OSBPL9: variants seen among roughly 807,000 people sequenced by gnomAD.
The protein encoded by OSBPL9 is oxysterol binding protein like 9, also known as oxysterol-binding protein-related protein 9.
Under a neutral mutation model 106.6 loss-of-function variants are expected in OSBPL9, and 40 were observed. The observed-to-expected ratio is 0.38, with a 90% CI of 0.29 to 0.49. The LOEUF (loss-of-function observed/expected upper bound fraction) is 0.49, where lower values mean the gene tolerates loss of function less well. Among genes scored for constraint, OSBPL9 ranks in the 20% least tolerant of loss-of-function variants. The probability of loss-of-function intolerance (pLI) is 0.97; values close to 1 mark genes in which losing one functional copy is unlikely to be tolerated. For synonymous variants in OSBPL9, 269 were observed against 295.4 expected, an observed-to-expected ratio of 0.91 and a Z score of 0.92; for missense variants, 609 against 887.2, an observed-to-expected ratio of 0.69 and a Z score of 3.98.
At chr1:51,712,825 A>G (rs1380355853) in intron 3 of OSBPL9, among the ~76,000 whole-genome samples, 2 of 152,154 alleles carry the variant, frequency 1.3e-5, no homozygotes, top group Non-Finnish European at 2.9e-5. Context: ...AAAATTGTTT[A>G]TGTAAATTTA....
At chr1:51,772,307 T>C in intron 13 of OSBPL9, 125 bp downstream of exon 13, 3 of 752,998 alleles carry the variant, frequency 4.0e-6, no homozygotes, top group Non-Finnish European at 2.2e-6. Context: ...AGGTCCGGAG[T>C]TCAAGACCAG....
At chr1:51,657,682 T>C (rs1646898339) in intron 2 of OSBPL9, among the ~76,000 whole-genome samples, 1 of 152,202 alleles carries the variant, frequency 6.6e-6, no homozygotes, top group South Asian at 2.1e-4. Context: ...CGGTGCCCTT[T>C]CCTTGATGAA....
the OSBPL9 span, among the ~76,000 whole-genome samples, chr1:51,519,517 A>G: frequency 6.6e-6 from 1 of 151,934 alleles, no homozygotes; most frequent in African/African-American, 2.4e-5. Flanking sequence ...CGCGGACATA[A>G]AATTAAAGCG....
At chr1:51,721,585 G>A (rs1046506311) in intron 4 of OSBPL9, among the ~76,000 whole-genome samples, 3 of 152,140 alleles carry the variant, frequency 2.0e-5, no homozygotes, top group African/African-American at 7.2e-5. Context: ...AATGGATTAT[G>A]TGTCTGAGTA....
intron 2 of OSBPL9, among the ~76,000 whole-genome samples, chr1:51,653,089 G>A (rs887414365): frequency 4.6e-5 from 7 of 152,148 alleles, no homozygotes; most frequent in African/African-American, 1.7e-4. Context: ...ACTGAGATAG[G>A]AGTAGGTATG....
the OSBPL9 span, among the ~76,000 whole-genome samples, chr1:51,543,035 A>G: frequency 6.6e-6 from 1 of 152,234 alleles, no homozygotes; most frequent in African/African-American, 2.4e-5. Flanking sequence ...CAGAATTATC[A>G]ACTCCAGGTG....
At chr1:51,589,327 G>A (rs1178825073) in intron 1 of OSBPL9, among the ~76,000 whole-genome samples, 3 of 152,134 alleles carry the variant, frequency 2.0e-5, no homozygotes, top group East Asian at 1.9e-4. Context: ...GAGATCAGGC[G>A]ATCTGCCTGC....
At chr1:51,632,007 A>G (rs1645135576) in intron 1 of OSBPL9, among the ~76,000 whole-genome samples, 1 of 152,174 alleles carries the variant, frequency 6.6e-6, no homozygotes, top group Non-Finnish European at 1.5e-5. Flanking sequence ...AATAACTCAC[A>G]TGGAGCTGTC....
At chr1:51,544,837 C>CTTT in the OSBPL9 span, among the ~76,000 whole-genome samples, 590 of 80,298 alleles carry the variant, frequency 7.3e-3, 10 homozygotes, top group African/African-American at 0.013. Flanking sequence ...AAGAGACATG[C>CTTT]TTTTTTTTTT....
chr1:51,766,058 T>G (rs1672490009), intron 12 of OSBPL9, 77 bp downstream of exon 12: 1 of 1,357,210 alleles, frequency 7.4e-7, no homozygotes, highest in African/African-American at 1.5e-5. Flanking sequence ...GAGACTAGTG[T>G]TAATGACAGA....
At chr1:51,518,468 T>G in the OSBPL9 span, 1 of 152,478 alleles carries the variant, frequency 6.6e-6, no homozygotes, top group African/African-American at 2.4e-5. Flanking sequence ...GAGGGGAAGT[T>G]GAAGTGGAAG....
chr1:51,703,356 A>T (rs1657728768), intron 3 of OSBPL9, among the ~76,000 whole-genome samples: 1 of 152,124 alleles, frequency 6.6e-6, no homozygotes, highest in Non-Finnish European at 1.5e-5. Flanking sequence ...GAGGTCCTTC[A>T]TGTCCCTTGT....
intron 2 of OSBPL9, among the ~76,000 whole-genome samples, chr1:51,606,542 G>A (rs1481397036): frequency 6.6e-6 from 1 of 152,204 alleles, no homozygotes; most frequent in African/African-American, 2.4e-5. Flanking sequence ...GGCACAGAAG[G>A]CTGTTGCAAT....
the OSBPL9 span, among the ~76,000 whole-genome samples, chr1:51,545,870 T>C: frequency 6.6e-6 from 1 of 152,174 alleles, no homozygotes; most frequent in South Asian, 2.1e-4. Flanking sequence ...AATAGTATAA[T>C]TACCATATGT....
chr1:51,674,290 A>G (rs1301233556), intron 3 of OSBPL9, among the ~76,000 whole-genome samples: 1 of 151,856 alleles, frequency 6.6e-6, no homozygotes, highest in African/African-American at 2.4e-5. Context: ...GTTAAAATTT[A>G]TATGTGTGTA....
chr1:51,752,352 A>G (rs1669433955), intron 8 of OSBPL9, among the ~76,000 whole-genome samples: 1 of 151,564 alleles, frequency 6.6e-6, no homozygotes, highest in Non-Finnish European at 1.5e-5. Context: ...TTTCTGCCAC[A>G]AGGAACATCT....
chr1:51,616,852 C>A, upstream of OSBPL9: 1 of 412,754 alleles, frequency 2.4e-6, no homozygotes, highest in Non-Finnish European at 4.2e-6. Flanking sequence ...AATCTTTTTT[C>A]TTTACTCTAA....
Position 51,729,987 on chromosome 1 carries a change from C to CT in OSBPL9, c.319-15548dup, listed in dbSNP as rs1192154399. 1.5e-6 allele frequency: 2 copies of CT among 1,317,054 alleles called. No individual in the cohort carries two copies. Among genetic ancestry groups the CT allele is most frequent in the Non-Finnish European group, 2.0e-6 (2 of 1,025,030 alleles). 81.6% of individuals were successfully genotyped at this position (1,317,054 alleles called of 1,614,324 possible). ...GGGGCCTTGGCGAATGGCTTTCTTG[C>CT]TGGCCACTTGCGGAGTGAGTAGACC... On this transcript the variant is annotated intron_variant, in intron 4 of 23. Coordinates refer to ENST00000428468, the MANE Select transcript of OSBPL9 (RefSeq NM_024586.6). The surrounding 1 kb of genome is among the most constrained non-coding windows in gnomAD (Gnocchi z 5.1).
chr1:51,685,902 G>A (rs1224530773), intron 3 of OSBPL9, among the ~76,000 whole-genome samples: 1 of 152,014 alleles, frequency 6.6e-6, no homozygotes, highest in Non-Finnish European at 1.5e-5. Flanking sequence ...TGAATACCCA[G>A]GAAAAAAGAA....
Sources: gnomAD v4.1 joint callset for allele counts (sites outside exome capture counted in the v4.1 genomes callset) on GRCh38, gnomAD v4.1.1 for gene constraint, Gnocchi (gnomAD v3.1) non-coding constraint, MANE v1.5 for transcripts, NCBI Gene and HGNC (gene_info 2026-07-23, HGNC 2026-07-21) for gene names.